Variants in RAP1GDS1 observed in about 807,000 individuals in gnomAD.
The protein encoded by RAP1GDS1 is Rap1 GTPase-GDP dissociation stimulator 1, also known as RAP1, GTP-GDP dissociation stimulator 1.
Under a neutral mutation model 71.1 loss-of-function variants are expected in RAP1GDS1, and 35 were observed. The ratio of observed to expected loss-of-function variants is 0.49; its 90% CI spans 0.38 to 0.65. The LOEUF (loss-of-function observed/expected upper bound fraction) is 0.65. RAP1GDS1 is among the 30% of genes least tolerant of loss of function. The pLI is 0.00. For missense variants in RAP1GDS1, 663 were observed against 706.1 expected (o/e 0.94, Z 0.69); for synonymous variants, 229 against 243.1 (o/e 0.94, Z 0.54).
At chr4:98,326,837 A>T (rs542422175) in intron 2 of RAP1GDS1, among the ~76,000 whole-genome samples, 1 of 152,172 alleles carries the variant, frequency 6.6e-6, no homozygotes, top group Non-Finnish European at 1.5e-5. Context: ...TTTGGAAGGT[A>T]GGTGGAAGAA....
chr4:98,277,623 A>G (rs1724422240), intron 1 of RAP1GDS1, among the ~76,000 whole-genome samples: 1 of 152,034 alleles, frequency 6.6e-6, no homozygotes, highest in Admixed American at 6.6e-5. Flanking sequence ...AGTTCTACTG[A>G]CCTCTCATTT....
intron 4 of RAP1GDS1, among the ~76,000 whole-genome samples, chr4:98,367,984 C>CAATACATGGGAATTAAAA (rs1314759073): frequency 4.6e-5 from 7 of 152,030 alleles, no homozygotes; most frequent in Non-Finnish European, 1.0e-4. Context: ...AATGTGAGGA[C>CAATACATGGGAATTAAAA]ATGAGATTTG....
At position 98,349,763 on chromosome 4, in the gene RAP1GDS1, CTGTT is replaced by C. The variant is rs753934072; in HGVS notation, c.236-2709_236-2706del. ...GGGAGTTCACTCATGATTTGGCTCT[CTGTT>C]TGTCTGTTATTGGTGTATAAGAATG... On this transcript the variant is annotated intron_variant, in intron 3 of 14. Coordinates refer to ENST00000408927, the MANE Select transcript of RAP1GDS1 (RefSeq NM_001100427.2). Among the ~76,000 whole-genome samples, 14 of 151,370 alleles carry C rather than the reference CTGTT, an allele frequency of 9.2e-5. No homozygotes were observed. In the South Asian group the frequency reaches 1.3e-3, roughly 14 times the overall value.
intron 1 of RAP1GDS1, among the ~76,000 whole-genome samples, chr4:98,293,129 A>G (rs943329018): frequency 8.5e-5 from 13 of 152,182 alleles, no homozygotes; most frequent in Non-Finnish European, 1.9e-4. Context: ...AAGCTCAATA[A>G]GTTATAAGAA....
chr4:98,300,176 C>T (rs1194273266), intron 2 of RAP1GDS1, among the ~76,000 whole-genome samples: 1 of 152,100 alleles, frequency 6.6e-6, no homozygotes, highest in Non-Finnish European at 1.5e-5. Context: ...TTGACATAGC[C>T]ACCTAACCTT....
At chr4:98,324,830 C>G (rs865995483) in intron 2 of RAP1GDS1, among the ~76,000 whole-genome samples, 34 of 151,760 alleles carry the variant, frequency 2.2e-4, no homozygotes, top group African/African-American at 7.8e-4. Context: ...AGAAGAAAAC[C>G]TAGGCATTAC....
intron 4 of RAP1GDS1, among the ~76,000 whole-genome samples, chr4:98,368,739 T>C (rs1739906505): frequency 6.6e-6 from 1 of 152,162 alleles, no homozygotes; most frequent in Non-Finnish European, 1.5e-5. Flanking sequence ...ATTTGTTTCA[T>C]AGAATAGGGC....
At chr4:98,410,699 C>G (rs903598349) in intron 7 of RAP1GDS1, among the ~76,000 whole-genome samples, 1 of 152,080 alleles carries the variant, frequency 6.6e-6, no homozygotes, top group Non-Finnish European at 1.5e-5. Context: ...GTAACCATTA[C>G]TGTGGATGAA....
Position 98,443,142 on chromosome 4 carries a change from T to C in RAP1GDS1, c.*1025T>C, listed in dbSNP as rs939966071. The C allele has an allele frequency of 9.0e-6, 2 of 223,018 alleles. No homozygotes were observed. Among genetic ancestry groups the C allele is most frequent in the Non-Finnish European group, 1.8e-5 (2 of 113,490 alleles). 13.8% of individuals were successfully genotyped at this position (223,018 alleles called of 1,614,324 possible). On this transcript the variant is annotated 3_prime_UTR_variant, in exon 15 of 15. Coordinates refer to ENST00000408927, the MANE Select transcript of RAP1GDS1 (RefSeq NM_001100427.2). ...GGACGTAGGTGGAAAGATGAAGAAATAAGCTTGTCTAGACTAAAGAAAGGA... is the reference window on the plus strand; with the variant it reads ...GGACGTAGGTGGAAAGATGAAGAAACAAGCTTGTCTAGACTAAAGAAAGGA...
intron 1 of RAP1GDS1, 107 bp downstream of exon 1, chr4:98,261,676 C>T: frequency 7.2e-7 from 1 of 1,385,964 alleles, no homozygotes; most frequent in South Asian, 1.3e-5. Context: ...TCTCCAGTCC[C>T]CGGGTGTGAG....
intron 2 of RAP1GDS1, among the ~76,000 whole-genome samples, chr4:98,342,913 TAAAC>T (rs1310727277): frequency 2.6e-5 from 4 of 152,148 alleles, no homozygotes; most frequent in Non-Finnish European, 5.9e-5. Flanking sequence ...TGACTGTAAA[TAAAC>T]AAAATATTAT....
At chr4:98,316,678 C>A (rs376891177) in intron 2 of RAP1GDS1, among the ~76,000 whole-genome samples, 1 of 152,056 alleles carries the variant, frequency 6.6e-6, no homozygotes, top group South Asian at 2.1e-4. Flanking sequence ...AGGCAGAAGA[C>A]AAAATGTCTC....
intron 6 of RAP1GDS1, among the ~76,000 whole-genome samples, chr4:98,400,631 TAGG>T (rs1254206854): frequency 6.6e-6 from 1 of 151,038 alleles, no homozygotes; most frequent in Non-Finnish European, 1.5e-5. Flanking sequence ...TACAGCTAGA[TAGG>T]AGGAGTAAGC....
intron 1 of RAP1GDS1, among the ~76,000 whole-genome samples, chr4:98,270,461 G>C (rs1723296966): frequency 6.6e-6 from 1 of 152,054 alleles, no homozygotes; most frequent in South Asian, 2.1e-4. Flanking sequence ...ACCAACTTTA[G>C]CTTTGTCTGA....
chr4:98,285,039 C>T (rs1725769639), intron 1 of RAP1GDS1, among the ~76,000 whole-genome samples: 1 of 152,086 alleles, frequency 6.6e-6, no homozygotes, highest in African/African-American at 2.4e-5. Flanking sequence ...TTTGTGATTC[C>T]CGATTCATAG....
intron 2 of RAP1GDS1, among the ~76,000 whole-genome samples, chr4:98,333,568 C>G (rs1005077929): frequency 1.3e-5 from 2 of 151,974 alleles, no homozygotes; most frequent in African/African-American, 2.4e-5. Flanking sequence ...TGGAAAGACC[C>G]AGACATTTAA....
At chr4:98,413,064 A>G (rs993716688) in intron 7 of RAP1GDS1, among the ~76,000 whole-genome samples, 3 of 152,128 alleles carry the variant, frequency 2.0e-5, no homozygotes, top group Non-Finnish European at 4.4e-5. Flanking sequence ...CAAACTTACC[A>G]GGGCGGGATC....
rs2110153388 is a variant in RAP1GDS1, at chr4:98,403,805, G to C, written c.638-672G>C. On this transcript the variant is annotated intron_variant, in intron 6 of 14. Transcript: ENST00000408927. Reference sequence around the variant, plus strand: ...GATTGCTAAGTGTAGAGGCAGGTAGGCCAAAACTAGTAGATTTAGTAATGC... The same window carrying C: ...GATTGCTAAGTGTAGAGGCAGGTAGCCCAAAACTAGTAGATTTAGTAATGC... 2.6e-5 allele frequency among the ~76,000 whole-genome samples: 4 copies of C among 152,168 alleles called. No homozygotes were observed. The South Asian group carries it at 8.3e-4, about 32-fold the overall frequency.
chr4:98,432,096 C>T (rs1469169427), intron 12 of RAP1GDS1, among the ~76,000 whole-genome samples: 5 of 152,114 alleles, frequency 3.3e-5, no homozygotes, highest in East Asian at 3.8e-4. Context: ...CCCCATCCCA[C>T]GACAGGCCCC....
Sources: gnomAD v4.1 joint callset for allele counts (sites outside exome capture counted in the v4.1 genomes callset) on GRCh38, gnomAD v4.1.1 for gene constraint, MANE v1.5 for transcripts, NCBI Gene and HGNC (gene_info 2026-07-23, HGNC 2026-07-21) for gene names.